Variants in CLDN20 observed in about 807,000 individuals in gnomAD.
The protein encoded by CLDN20 is claudin 20, also known as claudin-20.
For missense variants in CLDN20, 258 were observed against 267.9 expected (o/e 0.96, Z 0.26); for synonymous variants, 104 against 103.6 (o/e 1.00, Z -0.03).
intron 1 of CLDN20, among the ~76,000 whole-genome samples, chr6:155,274,257 G>A (rs1462079962): frequency 2.6e-5 from 4 of 152,202 alleles, no homozygotes; most frequent in Non-Finnish European, 4.4e-5. Context: ...CAGTACTGCA[G>A]TATTTCAGAA....
chr6:155,267,703 G>C (rs1784723011), intron 1 of CLDN20, among the ~76,000 whole-genome samples: 1 of 152,200 alleles, frequency 6.6e-6, no homozygotes, highest in South Asian at 2.1e-4. Flanking sequence ...ACAGTGCTAT[G>C]TGCCCTGAGT....
rs142319064 is a variant in CLDN20 at position 155,275,834 on chromosome 6, A to G, written c.115A>G (p.Asn39Asp). The change falls in exon 2 of 2, where the codon AAC becomes GAC. Residue 39 changes from asparagine (N) to aspartate (D), a missense_variant. By Grantham distance (23) the Asn-to-Asp change is conservative (BLOSUM62 1). Transcript: ENST00000367165. ...NWKVNVDVDS[N>D]IITAIVQLHG... ...GAAGGTGAATGTGGATGTGGACTCC[A>G]ACATCATAACAGCCATTGTACAGCT... 78 of 1,614,018 alleles carry G rather than the reference A, an allele frequency of 4.8e-5. No individual in the cohort carries two copies. Among genetic ancestry groups the G allele is most frequent in the Non-Finnish European group, 6.4e-5 (75 of 1,179,996 alleles).
At chr6:155,267,764 T>C (rs1049901541) in intron 1 of CLDN20, among the ~76,000 whole-genome samples, 1 of 152,210 alleles carries the variant, frequency 6.6e-6, no homozygotes, top group Non-Finnish European at 1.5e-5. Flanking sequence ...AAGACAAGAA[T>C]GACCTAATTT....
intron 1 of CLDN20, among the ~76,000 whole-genome samples, chr6:155,267,272 G>C (rs1360049350): frequency 6.6e-6 from 1 of 152,198 alleles, no homozygotes; most frequent in African/African-American, 2.4e-5. Flanking sequence ...ACCACACCTG[G>C]CCGTAGAATA....
At chr6:155,270,746 G>A (rs182469820) in intron 1 of CLDN20, among the ~76,000 whole-genome samples, 1 of 152,284 alleles carries the variant, frequency 6.6e-6, no homozygotes, top group Admixed American at 6.5e-5. Flanking sequence ...GCTTATGTCT[G>A]CACTAACAAC....
At chr6:155,264,885 A>C (rs553459513) in intron 1 of CLDN20, among the ~76,000 whole-genome samples, 2 of 152,340 alleles carry the variant, frequency 1.3e-5, no homozygotes, top group East Asian at 3.9e-4. Flanking sequence ...AAGATGAGTC[A>C]GTGTCTCTTG....
At chr6:155,268,986 TAA>T (rs34268254) in intron 1 of CLDN20, among the ~76,000 whole-genome samples, 3,643 of 128,354 alleles carry the variant, frequency 0.028, 122 homozygotes, top group African/African-American at 0.078. Flanking sequence ...ATTAAAAAAT[TAA>T]AAAAAAAAAA....
At chr6:155,272,348 G>GAAATCTACAACAGACTTTA (rs1410182212) in intron 1 of CLDN20, among the ~76,000 whole-genome samples, 1 of 152,150 alleles carries the variant, frequency 6.6e-6, no homozygotes, top group Non-Finnish European at 1.5e-5. Flanking sequence ...ACATTTTAGT[G>GAAATCTACAACAGACTTTA]AAATCTACAA....
Position 155,276,206 on chromosome 6 carries a change from G to T in CLDN20, c.487G>T (p.Ala163Ser). 2 of 1,614,132 alleles carry T rather than the reference G, an allele frequency of 1.2e-6. No individual in the cohort carries two copies. The highest frequency in any genetic ancestry group is 1.7e-6 in the Non-Finnish European group (2 of 1,180,024). Residue 163 changes from alanine to serine, a missense_variant, in exon 2 of 2, where the codon GCT becomes TCT. By Grantham distance (99) the Ala-to-Ser change is moderately conservative. Transcript: ENST00000367165. ...PESNKHEPGG[A>S]IYIGFISAML... ...AAGCAACAAACATGAACCTGGAGGA[G>T]CTATCTATATCGGATTCATTTCTGC...
Position 155,275,603 on chromosome 6 carries a change from C to T in CLDN20, c.-104-13C>T. On this transcript the variant is annotated splice_polypyrimidine_tract_variant and intron_variant, in intron 1 of 1. Transcript: ENST00000367165. Reference sequence around the variant, plus strand: ...TTCTTTCGCTCAATCCTGGTTTTGCCTTTTTTCCTTAGGCTTTGTTATTTG... The same window carrying T: ...TTCTTTCGCTCAATCCTGGTTTTGCTTTTTTTCCTTAGGCTTTGTTATTTG... 9.1e-7 allele frequency: 1 copy of T among 1,103,278 alleles called. No individual in the cohort carries two copies. 68.3% of individuals were successfully genotyped at this position (1,103,278 alleles called of 1,614,324 possible). A position where few individuals can be genotyped will look rare whatever the true frequency, so the allele number is the denominator to read the frequency against.
chr6:155,267,702 T>C (rs1288783503), intron 1 of CLDN20, among the ~76,000 whole-genome samples: 1 of 152,210 alleles, frequency 6.6e-6, no homozygotes. Context: ...GACAGTGCTA[T>C]GTGCCCTGAG....
chr6:155,271,523 G>C (rs546010643), intron 1 of CLDN20, among the ~76,000 whole-genome samples: 1 of 152,140 alleles, frequency 6.6e-6, no homozygotes, highest in East Asian at 1.9e-4. Flanking sequence ...AGTTGTTGCT[G>C]GGTTTTCTTT....
At chr6:155,275,062 C>CA (rs748259610) in intron 1 of CLDN20, among the ~76,000 whole-genome samples, 248 of 133,434 alleles carry the variant, frequency 1.9e-3, no homozygotes, top group Middle Eastern at 3.9e-3. Context: ...ACTAAAAATA[C>CA]AAAAAAAAAA....
At chr6:155,271,751 T>C (rs1435828577) in intron 1 of CLDN20, among the ~76,000 whole-genome samples, 3 of 152,158 alleles carry the variant, frequency 2.0e-5, no homozygotes, top group Non-Finnish European at 2.9e-5. Flanking sequence ...TCTTTCAACA[T>C]AGAGAAAATT....
At chr6:155,271,927 G>A (rs560470505) in intron 1 of CLDN20, among the ~76,000 whole-genome samples, 1 of 151,978 alleles carries the variant, frequency 6.6e-6, no homozygotes, top group Non-Finnish European at 1.5e-5. Flanking sequence ...TCCCTTCCCC[G>A]CCTCTCCTTT....
rs1431798167 is a variant in CLDN20 at position 155,276,472 on chromosome 6, C to A, written c.*93C>A. 1.7e-6 allele frequency: 2 copies of A among 1,146,278 alleles called. No homozygotes were observed. Among genetic ancestry groups the A allele is most frequent in the African/African-American group, 1.6e-5 (1 of 63,328 alleles). The allele number at this position is 1,146,278 out of a possible 1,614,324, so 71.0% of individuals were successfully genotyped here. On this transcript the variant is annotated 3_prime_UTR_variant, in exon 2 of 2. Coordinates refer to ENST00000367165, the MANE Select transcript of CLDN20 (RefSeq NM_001001346.3). ...TCAGAATTATGCTTAACTTTCCCTA[C>A]AAAGAAAGTAGAATGTAAAATACTT...
Position 155,275,763 on chromosome 6 carries a change from T to C in CLDN20, c.44T>C (p.Leu15Ser). Reference protein sequence around the residue: ...GLQLLAFILALSGVSGVLTAT... With the variant: ...GLQLLAFILASSGVSGVLTAT... ...CAGCTCCTTGCTTTCATCCTGGCCT[T>C]ATCTGGGGTCTCTGGAGTGCTCACA... is the stretch of plus-strand genomic sequence containing the variant. The change falls in exon 2 of 2, where the codon TTA becomes TCA. Residue 15 changes from leucine to serine, a missense_variant. Coordinates refer to ENST00000367165, the MANE Select transcript of CLDN20 (RefSeq NM_001001346.3). 1.2e-6 allele frequency: 2 copies of C among 1,614,140 alleles called. No homozygotes were observed. Among genetic ancestry groups the C allele is most frequent in the African/African-American group, 1.3e-5 (1 of 75,044 alleles).
In CLDN20 at chr6:155,276,437, T is replaced by A; in HGVS notation, c.*58T>A. 1 of 1,427,388 alleles carries A rather than the reference T, an allele frequency of 7.0e-7. No individual in the cohort carries two copies. The highest frequency in any genetic ancestry group is 1.3e-5 in the South Asian group (1 of 74,162). The allele number at this position is 1,427,388 out of a possible 1,614,324, so 88.4% of individuals were successfully genotyped here. A position where few individuals can be genotyped will look rare whatever the true frequency, so the allele number is the denominator to read the frequency against. ...TGGGTGCCAAATGGGACTTTTAGAT[T>A]AAAAAAAAATCAGAATTATGCTTAA... On this transcript the variant is annotated 3_prime_UTR_variant, in exon 2 of 2. Coordinates refer to ENST00000367165, the MANE Select transcript of CLDN20 (RefSeq NM_001001346.3).
intron 1 of CLDN20, among the ~76,000 whole-genome samples, chr6:155,273,153 A>T (rs570295347): frequency 6.6e-6 from 1 of 152,338 alleles, no homozygotes; most frequent in East Asian, 1.9e-4. Flanking sequence ...CAAAACTGTA[A>T]ACATGTGCTT....
Sources: gnomAD v4.1 joint callset for allele counts (sites outside exome capture counted in the v4.1 genomes callset) on GRCh38, gnomAD v4.1.1 for gene constraint, MANE v1.5 for transcripts, NCBI Gene and HGNC (gene_info 2026-07-23, HGNC 2026-07-21) for gene names.